RBBP8: variants seen among roughly 807,000 people sequenced by gnomAD.
The protein encoded by RBBP8 is DNA endonuclease RBBP8.
In RBBP8, 88 loss-of-function variants were observed where a neutral mutation model predicts 108.3. The ratio of observed to expected loss-of-function variants is 0.81; its 90% CI spans 0.68 to 0.97. The LOEUF (loss-of-function observed/expected upper bound fraction) is 0.97. Ranked by LOEUF, RBBP8 falls within the 50% of genes least tolerant of loss-of-function variation. The probability of loss-of-function intolerance (pLI) is 0.00; values close to 1 mark genes in which losing one functional copy is unlikely to be tolerated. For missense variants in RBBP8, 1,023 were observed against 1,049.0 expected (o/e 0.98, Z 0.34); for synonymous variants, 332 against 348.2 (o/e 0.95, Z 0.52).
intron 2 of RBBP8, among the ~76,000 whole-genome samples, chr18:22,946,096 T>G (rs1457903373): frequency 1.3e-5 from 2 of 152,226 alleles, no homozygotes; most frequent in Admixed American, 1.3e-4. Flanking sequence ...CCCAGAAGAT[T>G]TGTGCCTACA....
chr18:22,932,766 T>TA (rs948159170), upstream of RBBP8, among the ~76,000 whole-genome samples: 3 of 152,110 alleles, frequency 2.0e-5, no homozygotes, highest in Non-Finnish European at 2.9e-5. Context: ...ATGGACTTTT[T>TA]AAAAAAAATT....
At chr18:23,014,489 T>A (rs1040981872) in intron 16 of RBBP8, among the ~76,000 whole-genome samples, 3 of 152,062 alleles carry the variant, frequency 2.0e-5, no homozygotes, top group Non-Finnish European at 4.4e-5. Flanking sequence ...AAAAATTAGC[T>A]GGGTCTTGTG....
At chr18:22,972,429 T>A (rs1473045208) in intron 5 of RBBP8, among the ~76,000 whole-genome samples, 1 of 150,882 alleles carries the variant, frequency 6.6e-6, no homozygotes, top group African/African-American at 2.4e-5. Flanking sequence ...TTTTTTTTTT[T>A]TAGAGATGGA....
chr18:22,946,321 A>G (rs1482087302), intron 2 of RBBP8, 123 bp from the exon 3 acceptor site: 9 of 1,337,180 alleles, frequency 6.7e-6, no homozygotes, highest in African/African-American at 1.5e-5. Flanking sequence ...TAAGGGGCAT[A>G]TACTGTAAAC....
Position 22,992,888 on chromosome 18 carries a change from G to T in RBBP8, c.1061G>T (p.Gly354Val). 1 of 1,612,936 alleles carries T rather than the reference G, an allele frequency of 6.2e-7. No homozygotes were observed. Reference sequence around the variant, plus strand: ...TTGTCCCCTTCTCTTTTACAGCCTGGGAAAAAAAAACATCTGAAAACACTC... The same window carrying T: ...TTGTCCCCTTCTCTTTTACAGCCTGTGAAAAAAAAACATCTGAAAACACTC... ...TSLSPSLLQP[G>V]KKKHLKTLPF... Residue 354 changes from glycine (G) to valine (V), a missense_variant, in exon 11 of 19, where the codon GGG (glycine) becomes GTG (valine). Physicochemically the swap from Gly to Val is moderately radical, Grantham distance 109 (BLOSUM62 -3). Transcript: ENST00000327155.
chr18:22,938,277 G>A (rs776147048), intron 2 of RBBP8, among the ~76,000 whole-genome samples: 2 of 151,998 alleles, frequency 1.3e-5, no homozygotes, highest in Admixed American at 6.5e-5. Context: ...GACTACAGGC[G>A]CACGCACCAT....
chr18:22,999,619 G>T (rs2045913928), intron 14 of RBBP8, among the ~76,000 whole-genome samples: 1 of 151,588 alleles, frequency 6.6e-6, no homozygotes, highest in African/African-American at 2.4e-5. Flanking sequence ...ACCGCACATG[G>T]AATAGGAGAC....
At chr18:22,945,737 C>T (rs558444926) in intron 2 of RBBP8, among the ~76,000 whole-genome samples, 11 of 152,080 alleles carry the variant, frequency 7.2e-5, no homozygotes, top group Non-Finnish European at 1.5e-4. Flanking sequence ...TACAATTTTG[C>T]TAGTTGTTTT....
chr18:22,941,243 C>T lies in RBBP8; in HGVS notation c.109+4283C>T, dbSNP rs886175357. Among the ~76,000 whole-genome samples, 3 of 152,072 alleles carry T rather than the reference C, an allele frequency of 2.0e-5. No individual in the cohort carries two copies. In the East Asian group the frequency reaches 5.8e-4, roughly 29 times the overall value. ...CTGGAGTGCAGTGGCATGATCGCAG[C>T]TCACTGCAACCTCTGCCTCCCAGGT... is the stretch of plus-strand genomic sequence containing the variant. On this transcript the variant is annotated intron_variant, in intron 2 of 18. Transcript: ENST00000327155.
intron 17 of RBBP8, among the ~76,000 whole-genome samples, chr18:23,017,741 CTTTTTTTTTT>C (rs928545363): frequency 3.4e-5 from 3 of 89,198 alleles, no homozygotes; most frequent in Non-Finnish European, 6.1e-5. Flanking sequence ...AATATAAGTT[CTTTTTTTTTT>C]TTTTTTTTTT....
chr18:22,954,129 G>T (rs1244401354), intron 4 of RBBP8, among the ~76,000 whole-genome samples: 1 of 151,966 alleles, frequency 6.6e-6, no homozygotes, highest in Non-Finnish European at 1.5e-5. Context: ...TCCACTCCTT[G>T]CCCCTTCCAA....
intron 3 of RBBP8, among the ~76,000 whole-genome samples, chr18:22,948,091 A>G (rs1199408478): frequency 2.6e-5 from 4 of 152,082 alleles, no homozygotes; most frequent in Admixed American, 6.6e-5. Flanking sequence ...TAAATCTTCA[A>G]TGTGTGTGTA....
intron 6 of RBBP8, among the ~76,000 whole-genome samples, chr18:22,979,693 T>C (rs1018634870): frequency 1.3e-5 from 2 of 152,222 alleles, no homozygotes; most frequent in African/African-American, 4.8e-5. Flanking sequence ...TTAACTTTAT[T>C]TTTACTCAAC....
chr18:22,935,385 TA>T (rs542307968), intron 1 of RBBP8, among the ~76,000 whole-genome samples: 10 of 144,552 alleles, frequency 6.9e-5, no homozygotes, highest in East Asian at 4.0e-4. Flanking sequence ...AAGGCCTTTC[TA>T]AAAAAAAAAC....
At chr18:22,933,735 C>T (rs111884214) in intron 1 of RBBP8, 171 bp downstream of exon 1, 3 of 152,184 alleles carry the variant, frequency 2.0e-5, no homozygotes, top group Admixed American at 2.0e-4. Context: ...GGTGGTGGAC[C>T]GGCGGGAGGA....
At chr18:22,991,808 A>G (rs990885132) in intron 10 of RBBP8, among the ~76,000 whole-genome samples, 4 of 152,202 alleles carry the variant, frequency 2.6e-5, no homozygotes, top group South Asian at 2.1e-4. Context: ...CTGTACCTGT[A>G]TTTATATAGC....
chr18:23,006,378 A>C lies in RBBP8; in HGVS notation c.2303A>C (p.Gln768Pro). The C allele has an allele frequency of 6.2e-7, 1 of 1,613,674 alleles. No individual in the cohort carries two copies. The change falls in exon 16 of 19, where the codon CAA (glutamine) becomes CCA (proline). Residue 768 changes from glutamine (Q) to proline (P), a missense_variant. Physicochemically the swap from Gln to Pro is moderately conservative, Grantham distance 76. Transcript: ENST00000327155. ...TKKLHTHGDK[Q>P]DKVKQKAFVE... is the part of the protein sequence containing the mutation. Reference sequence around the variant, plus strand: ...TTATTTATAGCTCATGGTGATAAACAAGACAAAGTCAAGCAGAAAGCGTTT... The same window carrying C: ...TTATTTATAGCTCATGGTGATAAACCAGACAAAGTCAAGCAGAAAGCGTTT...
rs1345243478 is a variant in RBBP8, at chr18:23,018,222, T to C, written c.2454+1298T>C. ...ACAGGCATGCGCCACCATGCCCGGCTAATTTTGTATTTTTAGTAGAGACAG... is the reference window on the plus strand; with the variant it reads ...ACAGGCATGCGCCACCATGCCCGGCCAATTTTGTATTTTTAGTAGAGACAG... On this transcript the variant is annotated intron_variant, in intron 17 of 18. Transcript: ENST00000327155. Among the ~76,000 whole-genome samples, 3 of 151,900 alleles carry C rather than the reference T, an allele frequency of 2.0e-5. No homozygotes were observed. In the East Asian group the frequency reaches 5.8e-4, roughly 29 times the overall value.
At chr18:23,017,734 A>G (rs568853474) in intron 17 of RBBP8, among the ~76,000 whole-genome samples, 4 of 147,862 alleles carry the variant, frequency 2.7e-5, no homozygotes, top group East Asian at 2.0e-4. Context: ...TGGTACCAAT[A>G]TAAGTTCTTT....
Sources: allele counts gnomAD v4.1 joint callset (sites outside exome capture counted in the v4.1 genomes callset), GRCh38; gene constraint gnomAD v4.1.1; transcripts MANE v1.5; gene names NCBI Gene and HGNC (gene_info 2026-07-23, HGNC 2026-07-21).